The following RBM26 variants were observed in gnomAD, a reference collection of about 807,000 sequenced individuals.
RBM26 encodes the protein RNA-binding protein 26.
RBM26 carries 30 observed loss-of-function variants against 123.6 expected under a neutral mutation model. That is an observed-to-expected ratio of 0.24 (90% confidence interval 0.18 to 0.33). The LOEUF is 0.33. Among genes scored for constraint, RBM26 ranks in the 10% least tolerant of loss-of-function variants. The pLI, the probability that RBM26 is intolerant of heterozygous loss-of-function variation, is 1.00. For missense variants in RBM26, 947 were observed against 1,203.6 expected, an observed-to-expected ratio of 0.79 and a Z score of 3.15; for synonymous variants, 400 against 404.4, an observed-to-expected ratio of 0.99 and a Z score of 0.13.
At chr13:79,324,544 T>C (rs1197683137) in intron 20 of RBM26, among the ~76,000 whole-genome samples, 1 of 151,882 alleles carries the variant, frequency 6.6e-6, no homozygotes, top group Admixed American at 6.6e-5. Context: ...CGATTGGATT[T>C]TGATTTTATG....
At position 79,319,106 on chromosome 13, in the gene RBM26, A is replaced by G. The variant is rs1336132147; in HGVS notation, c.*1515T>C. ...TTTCTATGAAATAGTGTTACCATCA[A>G]GAAAATACACACAACTTCAACCCCA... On this transcript the variant is annotated 3_prime_UTR_variant, in exon 22 of 22. Transcript: ENST00000438737. 1.0e-6 allele frequency: 1 copy of G among 984,566 alleles called. No homozygotes were observed. Among genetic ancestry groups the G allele is most frequent in the Non-Finnish European group, 1.2e-6 (1 of 829,318 alleles). The allele number at this position is 984,566 out of a possible 1,614,324, so 61.0% of individuals were successfully genotyped here. A position where few individuals can be genotyped will look rare whatever the true frequency, so the allele number is the denominator to read the frequency against.
At chr13:79,374,722 A>G (rs765626483) in intron 3 of RBM26, among the ~76,000 whole-genome samples, 3 of 151,952 alleles carry the variant, frequency 2.0e-5, no homozygotes, top group Admixed American at 6.6e-5. Context: ...TCCTCAATGC[A>G]CTTTTGCGAG....
At chr13:79,359,275 T>A (rs558181036) in intron 10 of RBM26, among the ~76,000 whole-genome samples, 7 of 152,292 alleles carry the variant, frequency 4.6e-5, no homozygotes, top group African/African-American at 1.7e-4. Flanking sequence ...GAGAGGCTCA[T>A]GACTATCCTG....
intron 21 of RBM26, 29 bp from the exon 22 acceptor site, chr13:79,320,739 A>AC (rs754400283): frequency 2.0e-5 from 25 of 1,219,586 alleles, no homozygotes; most frequent in Middle Eastern, 2.4e-4. Context: ...TTAGGAATTT[A>AC]CCCAAAAAAA....
At chr13:79,396,362 AAACT>A (rs1243504006) in intron 1 of RBM26, among the ~76,000 whole-genome samples, 1 of 152,220 alleles carries the variant, frequency 6.6e-6, no homozygotes, top group Non-Finnish European at 1.5e-5. Flanking sequence ...TAAAACTGAA[AAACT>A]AATAGCAAAA....
intron 11 of RBM26, among the ~76,000 whole-genome samples, chr13:79,357,897 T>C (rs1194857542): frequency 6.6e-6 from 1 of 151,614 alleles, no homozygotes; most frequent in Admixed American, 6.6e-5. Flanking sequence ...TTTTTTTTTT[T>C]TTGAGACAGA....
chr13:79,352,306 T>A (rs2139441622), intron 14 of RBM26, among the ~76,000 whole-genome samples: 1 of 152,318 alleles, frequency 6.6e-6, no homozygotes, highest in South Asian at 2.1e-4. Flanking sequence ...ATTCTAGTTC[T>A]GGCTCAGTGA....
chr13:79,365,874 T>TTA, intron 8 of RBM26, 156 bp from the exon 9 acceptor site: 1 of 954,908 alleles, frequency 1.0e-6, no homozygotes, highest in Non-Finnish European at 1.5e-6. Flanking sequence ...AAAAAGTTAT[T>TTA]AAAAAGAAAA....
Position 79,390,450 on chromosome 13 carries a change from C to T in RBM26, c.72-11543G>A, listed in dbSNP as rs554897420. Reference sequence around the variant, plus strand: ...GCTTTCTTCTAGAGGTAGGTGGGGGCATGGGAAAAGAAATGAGTAAATTTT... The same window carrying T: ...GCTTTCTTCTAGAGGTAGGTGGGGGTATGGGAAAAGAAATGAGTAAATTTT... On this transcript the variant is annotated intron_variant, in intron 1 of 21. Transcript: ENST00000438737. Among the ~76,000 whole-genome samples the T allele has an allele frequency of 3.9e-5, 6 of 152,130 alleles. No individual in the cohort carries two copies. The East Asian group carries it at 9.7e-4, about 24-fold the overall frequency.
intron 9 of RBM26, among the ~76,000 whole-genome samples, chr13:79,360,379 CT>C (rs2074533137): frequency 6.6e-6 from 1 of 151,982 alleles, no homozygotes; most frequent in African/African-American, 2.4e-5. Context: ...TCACAATTAA[CT>C]ATGAAAAAGA....
rs2078633939 is a variant in RBM26, at chr13:79,397,084, G to C, written c.71+8620C>G. ...TAGTCCCACCTACTCAGGAGGCTGA[G>C]GCCTGAGAATCGTTTGAACCTGGGA... On this transcript the variant is annotated intron_variant, in intron 1 of 21. Coordinates refer to ENST00000438737, the MANE Select transcript of RBM26 (RefSeq NM_001366735.2). 1.3e-5 allele frequency among the ~76,000 whole-genome samples: 2 copies of C among 152,184 alleles called. 1 individual carries two copies. The highest frequency in any genetic ancestry group is 4.1e-4 in the South Asian group (2 of 4,830).
At chr13:79,316,828 C>T (rs1190929740), downstream of RBM26, among the ~76,000 whole-genome samples, 1 of 151,684 alleles carries the variant, frequency 6.6e-6, no homozygotes, top group African/African-American at 2.4e-5. Flanking sequence ...TCAATTTTTT[C>T]CTGTAGGAAG....
chr13:79,380,252 T>C (rs750038374), intron 1 of RBM26, among the ~76,000 whole-genome samples: 3 of 152,060 alleles, frequency 2.0e-5, no homozygotes, highest in African/African-American at 4.8e-5. Flanking sequence ...AAGAATGACA[T>C]GTAGCAAAAA....
chr13:79,337,187 T>C lies in RBM26; in HGVS notation c.2648A>G (p.His883Arg), dbSNP rs774534466. The change falls in exon 19 of 22, where the codon CAT becomes CGT. Residue 883 changes from histidine (H) to arginine (R), a missense_variant. Physicochemically the swap from His to Arg is conservative, Grantham distance 29. Transcript: ENST00000438737. ...GRGRGRGVPGHAVVDHRPRAL... is the reference protein window; with the variant it reads ...GRGRGRGVPGRAVVDHRPRAL... ...CCTGGGACGGTGATCCACCACAGCA[T>C]GACCAGGCACACCTCGCCCTCGCCC... is the stretch of plus-strand genomic sequence containing the variant. 4.3e-6 allele frequency: 7 copies of C among 1,614,156 alleles called. No individual in the cohort carries two copies. The East Asian group carries it at 1.3e-4, about 31-fold the overall frequency.
intron 19 of RBM26, among the ~76,000 whole-genome samples, chr13:79,334,730 T>C (rs2070031956): frequency 6.6e-6 from 1 of 152,148 alleles, no homozygotes. Context: ...TCTTGCTAAC[T>C]AACTTTCCTC....
At chr13:79,316,983 T>C (rs564667077), downstream of RBM26, among the ~76,000 whole-genome samples, 1 of 150,066 alleles carries the variant, frequency 6.7e-6, no homozygotes, top group South Asian at 2.1e-4. Context: ...TTGGTTTGTT[T>C]TTTTTTTAAA....
downstream of RBM26, among the ~76,000 whole-genome samples, chr13:79,315,334 C>T (rs1465840782): frequency 6.6e-6 from 1 of 151,782 alleles, no homozygotes; most frequent in Non-Finnish European, 1.5e-5. Context: ...AAATCATGAA[C>T]AAATTCCAAG....
chr13:79,361,172 A>G (rs2074639280), intron 9 of RBM26, among the ~76,000 whole-genome samples: 1 of 152,116 alleles, frequency 6.6e-6, no homozygotes, highest in South Asian at 2.1e-4. Context: ...AAACATTTCT[A>G]TTAATGAAAC....
intron 6 of RBM26, among the ~76,000 whole-genome samples, chr13:79,367,650 G>T (rs1416286495): frequency 6.6e-6 from 1 of 151,960 alleles, no homozygotes; most frequent in South Asian, 2.1e-4. Context: ...CCTTTTAGTT[G>T]CTCTCCCTTC....
Sources: allele counts gnomAD v4.1 joint callset (sites outside exome capture counted in the v4.1 genomes callset), GRCh38; gene constraint gnomAD v4.1.1; transcripts MANE v1.5; gene names NCBI Gene and HGNC (gene_info 2026-07-23, HGNC 2026-07-21).